Variants in CFAP184 observed in about 807,000 individuals in gnomAD.
CFAP184 encodes cilia and flagella associated protein 184, also known as cilia- and flagella-associated protein 184.
chr4:7,041,347 T>C, the CFAP184 span: 1 of 1,614,100 alleles, frequency 6.2e-7, no homozygotes, highest in African/African-American at 1.3e-5. Context: ...GCTAGCGTGG[T>C]GGCGCTTCAG....
the CFAP184 span, chr4:7,042,603 C>A: frequency 1.3e-6 from 2 of 1,525,432 alleles, no homozygotes; most frequent in East Asian, 2.3e-5. Context: ...CGGCTCCGGG[C>A]TCCGGCTGGG....
the CFAP184 span, chr4:7,042,537 C>T: frequency 7.5e-6 from 12 of 1,592,896 alleles, no homozygotes; most frequent in Non-Finnish European, 9.4e-6. Context: ...CTTCCTTCCC[C>T]TCTGCCGCCT....
the CFAP184 span, chr4:7,041,234 G>C: frequency 6.5e-7 from 1 of 1,529,940 alleles, no homozygotes; most frequent in Non-Finnish European, 8.8e-7. Flanking sequence ...CACGTCCTGA[G>C]GATGAAGTGT....
the CFAP184 span, chr4:7,042,648 G>C: frequency 6.7e-7 from 1 of 1,490,336 alleles, no homozygotes; most frequent in African/African-American, 1.4e-5. Context: ...CCGGCTCTTC[G>C]GGCTCGGGCT....
chr4:7,041,252 A>G, the CFAP184 span: 5 of 1,545,130 alleles, frequency 3.2e-6, no homozygotes, highest in African/African-American at 2.8e-5. Flanking sequence ...TGTTTTGCAG[A>G]CTCTTCTCAT....
At chr4:7,042,595 G>A in the CFAP184 span, 15 of 1,529,368 alleles carry the variant, frequency 9.8e-6, no homozygotes, top group Middle Eastern at 2.1e-4. Flanking sequence ...CTCGGGCCCG[G>A]CTCCGGGCTC....
chr4:7,042,824 C>T, the CFAP184 span: 83 of 1,569,048 alleles, frequency 5.3e-5, no homozygotes, highest in Non-Finnish European at 6.9e-5. Flanking sequence ...TCCCCGGGTT[C>T]GGGAGAGGTC....
At chr4:7,042,691 C>A in the CFAP184 span, 2 of 1,510,574 alleles carry the variant, frequency 1.3e-6, no homozygotes, top group Non-Finnish European at 1.8e-6. Flanking sequence ...CTCTCCAGGC[C>A]CCTCCTCGCC....
the CFAP184 span, chr4:7,042,436 TC>T: frequency 5.6e-6 from 9 of 1,610,918 alleles, no homozygotes; most frequent in Non-Finnish European, 7.6e-6. Context: ...GTCCTCTTCC[TC>T]CCCCTCCACC....
the CFAP184 span, chr4:7,042,905 C>A: frequency 6.5e-7 from 1 of 1,549,578 alleles, no homozygotes; most frequent in Non-Finnish European, 8.7e-7. Flanking sequence ...CCTTCCCCGC[C>A]GGGGTCCTTA....
At chr4:7,042,816 C>T in the CFAP184 span, 173 of 1,566,982 alleles carry the variant, frequency 1.1e-4, no homozygotes, top group East Asian at 9.4e-4. Context: ...ACTCCAGCTC[C>T]CCGGGTTCGG....
the CFAP184 span, chr4:7,042,925 G>A: frequency 2.7e-6 from 4 of 1,467,698 alleles, no homozygotes; most frequent in Middle Eastern, 1.8e-4. Flanking sequence ...AGTGTGCTCA[G>A]AGCTGACGTC....
chr4:7,042,501 C>G, the CFAP184 span: 16 of 1,609,478 alleles, frequency 9.9e-6, no homozygotes, highest in Non-Finnish European at 1.3e-5. Flanking sequence ...CGATCCTGGT[C>G]AGCGGCAGAG....
At chr4:7,042,614 C>T in the CFAP184 span, 4 of 1,511,568 alleles carry the variant, frequency 2.6e-6, no homozygotes, top group East Asian at 2.4e-5. Flanking sequence ...TCCGGCTGGG[C>T]GGGCTCCTCA....
the CFAP184 span, chr4:7,041,855 G>C: frequency 6.2e-7 from 1 of 1,610,178 alleles, no homozygotes; most frequent in Non-Finnish European, 8.5e-7. Context: ...TCCAACGCCT[G>C]GATCTGCTCC....
At chr4:7,042,859 T>G in the CFAP184 span, 1 of 1,572,924 alleles carries the variant, frequency 6.4e-7, no homozygotes, top group Admixed American at 1.7e-5. Context: ...GGCCTTGATC[T>G]TGGACGGCCG....
the CFAP184 span, chr4:7,041,353 T>C: frequency 5.6e-6 from 9 of 1,614,112 alleles, no homozygotes; most frequent in Non-Finnish European, 6.8e-6. Flanking sequence ...GTGGTGGCGC[T>C]TCAGGGATTC....
chr4:7,041,512 T>C, the CFAP184 span: 6 of 1,614,220 alleles, frequency 3.7e-6, no homozygotes, highest in Non-Finnish European at 5.1e-6. Context: ...GGTCAGGATG[T>C]CTCTTCCTAG....
chr4:7,041,201 G>A, the CFAP184 span: 39 of 1,503,418 alleles, frequency 2.6e-5, no homozygotes, highest in Non-Finnish European at 3.4e-5. Flanking sequence ...TAATAGCAAC[G>A]AAGGTAAAAT....
Sources: gnomAD v4.1 joint callset for allele counts on GRCh38, gnomAD v4.1.1 for gene constraint, MANE v1.5 for transcripts, NCBI Gene and HGNC (gene_info 2026-07-23, HGNC 2026-07-21) for gene names.